Variants in SYT14 observed in about 807,000 individuals in gnomAD.
The protein encoded by SYT14 is synaptotagmin 14.
SYT14 carries 32 observed loss-of-function variants against 74.2 expected under a neutral mutation model. The observed-to-expected ratio is 0.43, with a 90% CI of 0.33 to 0.58. The LOEUF (loss-of-function observed/expected upper bound fraction) is 0.58. Among genes scored for constraint, SYT14 ranks in the 20% least tolerant of loss-of-function variants. The probability of loss-of-function intolerance (pLI) is 0.05; values close to 1 mark genes in which losing one functional copy is unlikely to be tolerated. For synonymous variants in SYT14, 298 were observed against 337.7 expected (o/e 0.88, Z 1.29); for missense variants, 791 against 981.8 (o/e 0.81, Z 2.60).
intron 7 of SYT14, among the ~76,000 whole-genome samples, chr1:210,127,428 A>G (rs2082589600): frequency 6.6e-6 from 1 of 152,158 alleles, no homozygotes; most frequent in African/African-American, 2.4e-5. Flanking sequence ...CTTAGATTCC[A>G]TTGGCTAGGA....
intron 5 of SYT14, among the ~76,000 whole-genome samples, chr1:210,065,085 A>G (rs2081272558): frequency 6.6e-6 from 1 of 152,036 alleles, no homozygotes. Context: ...TGAGAAATGT[A>G]TATTCAAGTC....
chr1:210,002,586 A>G (rs901101332), intron 2 of SYT14, among the ~76,000 whole-genome samples: 3 of 151,952 alleles, frequency 2.0e-5, no homozygotes, highest in East Asian at 1.9e-4. Flanking sequence ...AAGATTTCCA[A>G]TTGCTCCACT....
intron 2 of SYT14, among the ~76,000 whole-genome samples, chr1:210,002,631 T>C (rs1232176874): frequency 6.6e-6 from 1 of 152,148 alleles, no homozygotes; most frequent in African/African-American, 2.4e-5. Context: ...AGATCTAAAT[T>C]TTGGCCATTC....
chr1:210,100,249 A>G (rs2102545493), exon 7 of SYT14: 2 of 1,614,142 alleles, frequency 1.2e-6, no homozygotes, highest in Admixed American at 1.7e-5. Context: ...CAGCATCCAG[A>G]GAGGACCATG....
intron 5 of SYT14, among the ~76,000 whole-genome samples, chr1:210,035,009 A>G (rs941936317): frequency 7.2e-5 from 11 of 151,780 alleles, no homozygotes; most frequent in Non-Finnish European, 3.0e-5. Flanking sequence ...GGATTGCTGG[A>G]TTGAATGGTA....
intron 7 of SYT14, among the ~76,000 whole-genome samples, chr1:210,149,180 A>G (rs1361001910): frequency 2.8e-5 from 3 of 108,510 alleles, no homozygotes; most frequent in Non-Finnish European, 5.3e-5. Context: ...TATAGCAGGA[A>G]TTTTTTTTTT....
At chr1:209,968,066 T>C (rs2079183724) in intron 2 of SYT14, among the ~76,000 whole-genome samples, 5 of 152,186 alleles carry the variant, frequency 3.3e-5, no homozygotes, top group Admixed American at 2.6e-4. Context: ...GTGTTAGCTA[T>C]TTCAGTATGT....
intron 5 of SYT14, among the ~76,000 whole-genome samples, chr1:210,030,288 C>T (rs1177824372): frequency 6.6e-6 from 1 of 151,858 alleles, no homozygotes; most frequent in South Asian, 2.1e-4. Context: ...ATTACAGTTT[C>T]CTGCCACCAT....
intron 7 of SYT14, among the ~76,000 whole-genome samples, chr1:210,135,148 T>G (rs997169373): frequency 6.6e-6 from 1 of 152,004 alleles, no homozygotes; most frequent in Non-Finnish European, 1.5e-5. Context: ...ACCTGGCTAA[T>G]TTTTTGTATT....
chr1:209,990,982 A>G (rs142576606), intron 2 of SYT14, among the ~76,000 whole-genome samples: 1 of 152,260 alleles, frequency 6.6e-6, no homozygotes, highest in East Asian at 1.9e-4. Context: ...AAAGCCCCAC[A>G]CTTACAGCAA....
At chr1:210,108,141 C>A (rs184184307) in intron 7 of SYT14, among the ~76,000 whole-genome samples, 1 of 152,276 alleles carries the variant, frequency 6.6e-6, no homozygotes, top group African/African-American at 2.4e-5. Context: ...TTCATTAAAT[C>A]TGGCTCTTGC....
At chr1:210,099,595 A>G (rs2082024273) in intron 6 of SYT14, among the ~76,000 whole-genome samples, 1 of 152,146 alleles carries the variant, frequency 6.6e-6, no homozygotes, top group Admixed American at 6.5e-5. Context: ...ATAGCGTTAT[A>G]CTTTTATTTA....
At chr1:209,999,242 G>C (rs2079850280) in intron 2 of SYT14, among the ~76,000 whole-genome samples, 1 of 152,006 alleles carries the variant, frequency 6.6e-6, no homozygotes, top group Non-Finnish European at 1.5e-5. Flanking sequence ...TTATCAAAAA[G>C]ATAAAAAATA....
chr1:210,127,246 T>C (rs2082586352), intron 7 of SYT14, among the ~76,000 whole-genome samples: 3 of 152,188 alleles, frequency 2.0e-5, no homozygotes, highest in African/African-American at 7.2e-5. Flanking sequence ...GAGGTAGACA[T>C]ATTTCCCATT....
intron 1 of SYT14, among the ~76,000 whole-genome samples, chr1:209,941,437 C>G (rs1033729914): frequency 1.3e-5 from 2 of 152,194 alleles, no homozygotes; most frequent in Non-Finnish European, 2.9e-5. Flanking sequence ...ATTGTTGTAG[C>G]CTAGCCTATG....
chr1:209,979,973 A>G (rs905708959), intron 2 of SYT14, among the ~76,000 whole-genome samples: 3 of 152,240 alleles, frequency 2.0e-5, no homozygotes, highest in Non-Finnish European at 4.4e-5. Context: ...TATACCCAGT[A>G]ATGGGAGCAT....
intron 8 of SYT14, among the ~76,000 whole-genome samples, chr1:210,157,371 G>C (rs2083289443): frequency 6.6e-6 from 1 of 151,714 alleles, no homozygotes; most frequent in Non-Finnish European, 1.5e-5. Flanking sequence ...GAGCCAGGGA[G>C]ATCAAGGCTG....
intron 5 of SYT14, among the ~76,000 whole-genome samples, chr1:210,077,798 A>G (rs2081533722): frequency 6.6e-6 from 1 of 152,212 alleles, no homozygotes; most frequent in Non-Finnish European, 1.5e-5. Flanking sequence ...ATAAAGTGGT[A>G]TCTGACTGTG....
At chr1:210,147,114 T>C (rs1176375799) in intron 7 of SYT14, among the ~76,000 whole-genome samples, 1 of 151,722 alleles carries the variant, frequency 6.6e-6, no homozygotes, top group African/African-American at 2.4e-5. Context: ...GTGAAAGACA[T>C]TATAAAATAA....
Sources: allele counts gnomAD v4.1 joint callset (sites outside exome capture counted in the v4.1 genomes callset), GRCh38; gene constraint gnomAD v4.1.1; transcripts MANE v1.5; gene names NCBI Gene and HGNC (gene_info 2026-07-23, HGNC 2026-07-21).